MAP2: variants seen among roughly 807,000 people sequenced by gnomAD.
The protein encoded by MAP2 is microtubule associated protein 2.
A neutral mutation model predicts 137.6 loss-of-function variants in MAP2; 14 were observed. The ratio of observed to expected loss-of-function variants is 0.10; its 90% CI spans 0.07 to 0.16. The LOEUF is 0.16. MAP2 is among the 10% of genes least tolerant of loss of function. The pLI, the probability that MAP2 is intolerant of heterozygous loss-of-function variation, is 1.00. For missense variants in MAP2, 2,088 were observed against 2,191.5 expected, an observed-to-expected ratio of 0.95 and a Z score of 0.94; for synonymous variants, 786 against 782.3, an observed-to-expected ratio of 1.00 and a Z score of -0.08.
intron 4 of MAP2, among the ~76,000 whole-genome samples, chr2:209,628,265 TGAA>T (rs893308373): frequency 6.6e-6 from 1 of 152,122 alleles, no homozygotes; most frequent in African/African-American, 2.4e-5. Flanking sequence ...CTCAGGAGGC[TGAA>T]GAAGGAGAAT....
intron 3 of MAP2, among the ~76,000 whole-genome samples, chr2:209,614,254 G>C (rs980965373): frequency 6.6e-6 from 1 of 152,066 alleles, no homozygotes; most frequent in South Asian, 2.1e-4. Flanking sequence ...TTTCTGAAAA[G>C]AGCACAAAGG....
intron 12 of MAP2, 113 bp downstream of exon 12, chr2:209,705,840 AT>A: frequency 1.1e-6 from 1 of 945,842 alleles, no homozygotes; most frequent in Non-Finnish European, 1.5e-6. Flanking sequence ...TTAAGACTAG[AT>A]TATATTTGCC....
At chr2:209,665,850 A>C (rs1461988689) in intron 5 of MAP2, among the ~76,000 whole-genome samples, 1 of 152,142 alleles carries the variant, frequency 6.6e-6, no homozygotes, top group African/African-American at 2.4e-5. Flanking sequence ...CCTGTGATCC[A>C]TAATTTTCTT....
intron 4 of MAP2, among the ~76,000 whole-genome samples, chr2:209,627,112 A>T (rs2092436184): frequency 6.6e-6 from 1 of 152,134 alleles, no homozygotes; most frequent in Admixed American, 6.6e-5. Flanking sequence ...CCTATACATG[A>T]AACACTTACT....
At position 209,425,934 on chromosome 2, in the gene MAP2, T is replaced by G. The variant is rs145405663; in HGVS notation, c.-222+1658T>G. ...GTATTTTGGTAGAAATCCTTGTGAATTTGCAAATCATGGATGTTCCAAAAG... is the reference window on the plus strand; with the variant it reads ...GTATTTTGGTAGAAATCCTTGTGAAGTTGCAAATCATGGATGTTCCAAAAG... On this transcript the variant is annotated intron_variant, in intron 1 of 15. Coordinates refer to ENST00000682079, the MANE Select transcript of MAP2 (RefSeq NM_001375505.1). 2.7e-3 allele frequency among the ~76,000 whole-genome samples: 418 copies of G among 152,302 alleles called. 2 individuals carry two copies. Among genetic ancestry groups the G allele is most frequent in the Middle Eastern group, 0.01 (3 of 294 alleles).
chr2:209,674,310 G>T (rs1194054858), intron 5 of MAP2, among the ~76,000 whole-genome samples: 1 of 151,710 alleles, frequency 6.6e-6, no homozygotes, highest in Non-Finnish European at 1.5e-5. Flanking sequence ...AAGATGTGCT[G>T]GTGAAGGACT....
intron 4 of MAP2, among the ~76,000 whole-genome samples, chr2:209,649,483 G>A (rs2094636106): frequency 1.3e-5 from 2 of 152,130 alleles, no homozygotes; most frequent in South Asian, 2.1e-4. Flanking sequence ...TTGATTAGAA[G>A]TATAAGTGAA....
chr2:209,533,231 G>A (rs558324675), intron 2 of MAP2, among the ~76,000 whole-genome samples: 9 of 152,004 alleles, frequency 5.9e-5, no homozygotes, highest in Non-Finnish European at 1.2e-4. Flanking sequence ...TGCAACCTCC[G>A]CCTCCCAGGT....
intron 3 of MAP2, among the ~76,000 whole-genome samples, chr2:209,620,393 A>G (rs1303607795): frequency 6.6e-6 from 1 of 152,224 alleles, no homozygotes; most frequent in Non-Finnish European, 1.5e-5. Context: ...TGTTATTTGC[A>G]TAGGAATTTG....
At chr2:209,438,056 T>C (rs1318937005) in intron 1 of MAP2, among the ~76,000 whole-genome samples, 1 of 151,648 alleles carries the variant, frequency 6.6e-6, no homozygotes, top group African/African-American at 2.4e-5. Context: ...GGCATGAGAC[T>C]GTACTATTGT....
At chr2:209,677,173 A>G (rs953566916) in intron 5 of MAP2, among the ~76,000 whole-genome samples, 4 of 151,854 alleles carry the variant, frequency 2.6e-5, no homozygotes, top group African/African-American at 9.7e-5. Context: ...AATCCTCCTC[A>G]TAATGCTTTG....
chr2:209,484,982 A>G (rs2149881382), intron 1 of MAP2, among the ~76,000 whole-genome samples: 1 of 152,354 alleles, frequency 6.6e-6, no homozygotes, highest in Non-Finnish European at 1.5e-5. Context: ...GCAGTTGTGC[A>G]CCATGTCTGC....
intron 1 of MAP2, among the ~76,000 whole-genome samples, chr2:209,464,338 A>G (rs1385267773): frequency 1.3e-5 from 2 of 152,148 alleles, no homozygotes; most frequent in Non-Finnish European, 2.9e-5. Flanking sequence ...ATCTATTTCC[A>G]ACTCTTGAAT....
intron 1 of MAP2, among the ~76,000 whole-genome samples, chr2:209,429,982 C>T (rs922946981): frequency 2.0e-5 from 3 of 151,936 alleles, no homozygotes; most frequent in Non-Finnish European, 2.9e-5. Flanking sequence ...TATTGTACCT[C>T]TCAAATTGGT....
At chr2:209,533,326 G>A (rs2065431057) in intron 2 of MAP2, among the ~76,000 whole-genome samples, 1 of 151,924 alleles carries the variant, frequency 6.6e-6, no homozygotes, top group African/African-American at 2.4e-5. Flanking sequence ...TGTATTTTTA[G>A]TAAAGATGGG....
At chr2:209,459,857 C>T (rs1053960552) in intron 1 of MAP2, among the ~76,000 whole-genome samples, 1 of 152,152 alleles carries the variant, frequency 6.6e-6, no homozygotes, top group Non-Finnish European at 1.5e-5. Flanking sequence ...TTTGACTATT[C>T]CATGGAGCTT....
intron 1 of MAP2, among the ~76,000 whole-genome samples, chr2:209,505,856 C>T (rs1359621374): frequency 6.6e-6 from 1 of 151,896 alleles, no homozygotes; most frequent in Non-Finnish European, 1.5e-5. Context: ...CTTGTAGTTC[C>T]AGCTACTACG....
At chr2:209,655,164 T>G (rs1427031284) in intron 5 of MAP2, among the ~76,000 whole-genome samples, 1 of 152,212 alleles carries the variant, frequency 6.6e-6, no homozygotes, top group African/African-American at 2.4e-5. Flanking sequence ...CTAATAGACG[T>G]TTCTTTTAAA....
At chr2:209,666,091 T>C (rs1242910368) in intron 5 of MAP2, among the ~76,000 whole-genome samples, 3 of 152,170 alleles carry the variant, frequency 2.0e-5, no homozygotes, top group Non-Finnish European at 2.9e-5. Context: ...TCTTTAAAAA[T>C]TGGCTTTGGT....
Sources: allele counts gnomAD v4.1 joint callset (sites outside exome capture counted in the v4.1 genomes callset), GRCh38; gene constraint gnomAD v4.1.1; transcripts MANE v1.5; gene names NCBI Gene and HGNC (gene_info 2026-07-23, HGNC 2026-07-21).